The following DNMT3B variants were observed in gnomAD, a reference collection of about 807,000 sequenced individuals.
The protein encoded by DNMT3B is DNA methyltransferase 3 beta.
In DNMT3B, 37 loss-of-function variants were observed where a neutral mutation model predicts 120.2. The ratio of observed to expected loss-of-function variants is 0.31; its 90% CI spans 0.24 to 0.40. DNMT3B has a LOEUF of 0.40. Ranked by LOEUF, DNMT3B falls within the 10% of genes least tolerant of loss-of-function variation. The pLI is 1.00. For synonymous variants in DNMT3B, 412 were observed against 442.8 expected (o/e 0.93, Z 0.87); for missense variants, 878 against 1,137.3 (o/e 0.77, Z 3.28).
rs1037332958 is a variant in DNMT3B, at chr20:32,788,062, C to T, written c.654+611C>T. ...TTATACTTCTTTTATGGTGGAATGT[C>T]ATCAGTTAAGGTGGGGCAGGGCATA... is the stretch of plus-strand genomic sequence containing the variant. On this transcript the variant is annotated intron_variant, in intron 6 of 22. Coordinates refer to ENST00000328111, the MANE Select transcript of DNMT3B (RefSeq NM_006892.4). Among the ~76,000 whole-genome samples the T allele has an allele frequency of 3.3e-5, 5 of 152,096 alleles. No homozygotes were observed. The East Asian group carries it at 7.7e-4, about 23-fold the overall frequency.
Position 32,787,328 on chromosome 20 carries a change from A to C in DNMT3B, c.531A>C (p.Thr177=), listed in dbSNP as rs748740949. The part of the protein sequence containing the change: ...TIDLTDDTED[T]HGTPQSSSTP... ...ACCTCACAGACGACACAGAGGACACACATGGGACGCCCCAGAGCAGCAGTA... is the reference window on the plus strand; with the variant it reads ...ACCTCACAGACGACACAGAGGACACCCATGGGACGCCCCAGAGCAGCAGTA... The change falls in exon 6 of 23, where the codon ACA becomes ACC. Residue 177 remains threonine (T), a synonymous_variant. Coordinates refer to ENST00000328111, the MANE Select transcript of DNMT3B (RefSeq NM_006892.4). The C allele has an allele frequency of 6.2e-7, 1 of 1,614,108 alleles. No individual in the cohort carries two copies. The highest frequency in any genetic ancestry group is 1.3e-5 in the African/African-American group (1 of 74,934).
chr20:32,774,217 CT>C (rs1162361432), intron 1 of DNMT3B, among the ~76,000 whole-genome samples: 26 of 146,978 alleles, frequency 1.8e-4, no homozygotes, highest in East Asian at 3.9e-4. Context: ...TCTTTTTTTT[CT>C]TTTTTTTTTG....
At chr20:32,764,083 T>G (rs1181325609) in intron 1 of DNMT3B, among the ~76,000 whole-genome samples, 1 of 152,096 alleles carries the variant, frequency 6.6e-6, no homozygotes, top group Admixed American at 6.5e-5. Context: ...TCAATACATG[T>G]TTGCCATTGT....
chr20:32,779,408 C>T (rs981883080), intron 1 of DNMT3B, among the ~76,000 whole-genome samples: 5 of 152,210 alleles, frequency 3.3e-5, no homozygotes, highest in African/African-American at 1.2e-4. Flanking sequence ...GCTCCCCAGT[C>T]TCCCTAGGGG....
chr20:32,780,050 C>T, intron 1 of DNMT3B: 2 of 1,592,632 alleles, frequency 1.3e-6, no homozygotes, highest in East Asian at 2.3e-5. Context: ...AGCCTGAGAC[C>T]CCAGCCCTGG....
At chr20:32,793,734 A>G in intron 10 of DNMT3B, 139 bp downstream of exon 10, 1 of 943,976 alleles carries the variant, frequency 1.1e-6, no homozygotes, top group South Asian at 1.4e-5. Context: ...CTCCCCTCAC[A>G]TCCCACCCTC....
intron 1 of DNMT3B, among the ~76,000 whole-genome samples, chr20:32,766,842 T>G (rs1987397744): frequency 6.6e-6 from 1 of 152,084 alleles, no homozygotes. Flanking sequence ...CCTCTCAAAG[T>G]GCTGGGATTA....
At chr20:32,789,110 G>A in intron 7 of DNMT3B, 98 bp downstream of exon 7, 1 of 1,538,254 alleles carries the variant, frequency 6.5e-7, no homozygotes, top group Non-Finnish European at 8.8e-7. Flanking sequence ...CTGCAGATGT[G>A]TGAGCCTATG....
rs556515026 is a variant in DNMT3B at position 32,762,498 on chromosome 20, C to G, written c.-208C>G. 121 of 256,046 alleles carry G rather than the reference C, an allele frequency of 4.7e-4. No individual in the cohort carries two copies. The highest frequency in any genetic ancestry group is 2.6e-3 in the African/African-American group (113 of 43,404). The allele number at this position is 256,046 out of a possible 1,614,324, so 15.9% of individuals were successfully genotyped here. ...AGCGCCCCCCGACGGACGGGACCGG[C>G]TCCCTGGCGGTCGGGCGAGCGGGCG... is the stretch of plus-strand genomic sequence containing the variant. On this transcript the variant is annotated 5_prime_UTR_variant, in exon 1 of 23. Transcript: ENST00000328111.
rs760283600 is a variant in DNMT3B, at chr20:32,795,464, C to A, written c.1182C>A (p.Pro394=). ...ADDSATSDYC[P]APKRLKTNCY... ...ACTCAGCCACCTCTGACTACTGCCC[C>A]GCACCCAAGCGCCTCAAGACAAATT... Residue 394 remains proline, a synonymous_variant, in exon 11 of 23, where the codon CCC becomes CCA. Coordinates refer to ENST00000328111, the MANE Select transcript of DNMT3B (RefSeq NM_006892.4). 1 of 1,614,146 alleles carries A rather than the reference C, an allele frequency of 6.2e-7. No homozygotes were observed. Among genetic ancestry groups the A allele is most frequent in the Non-Finnish European group, 8.5e-7 (1 of 1,180,046 alleles).
chr20:32,785,882 CTT>C (rs139466345), intron 4 of DNMT3B, among the ~76,000 whole-genome samples: 2 of 134,422 alleles, frequency 1.5e-5, no homozygotes, highest in African/African-American at 7.5e-5. Context: ...TTCTTTCTTT[CTT>C]TTTTTTTCTT....
chr20:32,792,599 C>G (rs190567237), intron 8 of DNMT3B, 27 bp from the exon 9 acceptor site: 8 of 1,614,132 alleles, frequency 5.0e-6, no homozygotes, highest in East Asian at 4.5e-5. Context: ...CCCACCCCCC[C>G]ATTCATCACA....
At chr20:32,775,342 G>A (rs1427280133) in intron 1 of DNMT3B, among the ~76,000 whole-genome samples, 1 of 152,178 alleles carries the variant, frequency 6.6e-6, no homozygotes, top group Non-Finnish European at 1.5e-5. Context: ...TAACATTTAC[G>A]AAGTGCTCTG....
At chr20:32,780,049 C>A in intron 1 of DNMT3B, 1 of 1,590,044 alleles carries the variant, frequency 6.3e-7, no homozygotes, top group Non-Finnish European at 8.6e-7. Flanking sequence ...GAGCCTGAGA[C>A]CCCAGCCCTG....
intron 20 of DNMT3B, 51 bp from the exon 21 acceptor site, chr20:32,805,287 C>A (rs758854515): frequency 8.1e-6 from 13 of 1,610,456 alleles, no homozygotes; most frequent in Admixed American, 5.0e-5. Context: ...TTGTGCCTAG[C>A]AGAGGACCCT....
Position 32,787,226 on chromosome 20 carries a change from A to G in DNMT3B, c.433-4A>G. ...GCCCAAACTATGTGTCCTTCTGTCCACAGTCCCTGAGACGGCGGGCAACAG... is the reference window on the plus strand; with the variant it reads ...GCCCAAACTATGTGTCCTTCTGTCCGCAGTCCCTGAGACGGCGGGCAACAG... On this transcript the variant is annotated splice_region_variant and splice_polypyrimidine_tract_variant and intron_variant, in intron 5 of 22. Transcript: ENST00000328111. 6.2e-7 allele frequency: 1 copy of G among 1,614,200 alleles called. No individual in the cohort carries two copies.
intron 19 of DNMT3B, among the ~76,000 whole-genome samples, chr20:32,801,961 G>T (rs929820080): frequency 2.6e-5 from 4 of 152,268 alleles, no homozygotes; most frequent in Non-Finnish European, 5.9e-5. Flanking sequence ...ACCATCATCT[G>T]CTGTTAAGGA....
At chr20:32,796,022 C>T (rs994001777) in intron 12 of DNMT3B, among the ~76,000 whole-genome samples, 1 of 152,332 alleles carries the variant, frequency 6.6e-6, no homozygotes, top group Non-Finnish European at 1.5e-5. Flanking sequence ...AGCTTTTAGT[C>T]ACTTGCCTAC....
chr20:32,786,590 A>G lies in DNMT3B; in HGVS notation c.395A>G (p.His132Arg), dbSNP rs770751820. The change falls in exon 5 of 23, where the codon CAT becomes CGT. Residue 132 changes from histidine to arginine, a missense_variant. By Grantham distance (29) the His-to-Arg change is conservative. Around this residue, in one of 4 missense-constraint regions of DNMT3B, gnomAD observed 287 missense variants for 306.2 expected, o/e 0.94. Coordinates refer to ENST00000328111, the MANE Select transcript of DNMT3B (RefSeq NM_006892.4). ...ACCCGAGGCCGGCAGGGCCGCAACC[A>G]TGTGGACGAGTCCCCCGTGGAGTTC... Reference protein sequence around the residue: ...RSTRGRQGRNHVDESPVEFPA... With the variant: ...RSTRGRQGRNRVDESPVEFPA... 3.7e-6 allele frequency: 6 copies of G among 1,613,994 alleles called. No homozygotes were observed. Among genetic ancestry groups the G allele is most frequent in the South Asian group, 3.3e-5 (3 of 91,084 alleles).
Sources: gnomAD v4.1 joint callset for allele counts (sites outside exome capture counted in the v4.1 genomes callset) on GRCh38, gnomAD v4.1.1 for gene constraint, gnomAD v4.1.1 regional missense constraint, MANE v1.5 for transcripts, NCBI Gene and HGNC (gene_info 2026-07-23, HGNC 2026-07-21) for gene names.